GABARAPL1: variants seen among roughly 807,000 people sequenced by gnomAD.
GABARAPL1 encodes GABA type A receptor associated protein like 1.
GABARAPL1 carries 4 observed loss-of-function variants against 14.5 expected under a neutral mutation model. The ratio of observed to expected loss-of-function variants is 0.28; its 90% CI spans 0.14 to 0.63. The LOEUF is 0.63. Ranked by LOEUF, GABARAPL1 falls within the 30% of genes least tolerant of loss-of-function variation. The pLI is 0.84. For synonymous variants in GABARAPL1, 47 were observed against 50.6 expected (o/e 0.93, Z 0.30); for missense variants, 82 against 139.2 (o/e 0.59, Z 2.07).
chr12:10,212,900 G>C lies in GABARAPL1; in HGVS notation c.-230G>C, dbSNP rs991726847. On this transcript the variant is annotated 5_prime_UTR_variant, in exon 1 of 4. Transcript: ENST00000266458. ...CTGTTTTTGTGCTCCCAGCTCTAGC[G>C]AAAAGCCGCCGGTATTTCTCCATCT... is the stretch of plus-strand genomic sequence containing the variant. The C allele has an allele frequency of 4.1e-5, 19 of 468,744 alleles. No homozygotes were observed. The highest frequency in any genetic ancestry group is 3.8e-4 in the Admixed American group (10 of 26,216). The allele number at this position is 468,744 out of a possible 1,614,324, so 29.0% of individuals were successfully genotyped here.
chr12:10,217,486 C>T (rs1196331704), intron 1 of GABARAPL1, among the ~76,000 whole-genome samples: 1 of 152,210 alleles, frequency 6.6e-6, no homozygotes, highest in East Asian at 1.9e-4. Flanking sequence ...AATCCCAGCA[C>T]TTTGGGAGGC....
intron 2 of GABARAPL1, among the ~76,000 whole-genome samples, chr12:10,220,096 G>T (rs1370767354): frequency 6.6e-6 from 1 of 152,168 alleles, no homozygotes; most frequent in Admixed American, 6.5e-5. Flanking sequence ...TTCAAGTCAG[G>T]TTTAGACAGT....
chr12:10,216,169 G>A (rs962356578), intron 1 of GABARAPL1, among the ~76,000 whole-genome samples: 1 of 151,958 alleles, frequency 6.6e-6, no homozygotes, highest in Admixed American at 6.6e-5. Context: ...TCAGGAGTTC[G>A]AAACCAGCCT....
intron 3 of GABARAPL1, chr12:10,221,257 T>C: frequency 1.0e-6 from 1 of 976,226 alleles, no homozygotes; most frequent in South Asian, 4.7e-5. Flanking sequence ...AGGAATAATT[T>C]TTATGTGATG....
chr12:10,222,077 G>A lies in GABARAPL1; in HGVS notation c.*225G>A. 1.8e-6 allele frequency: 1 copy of A among 548,262 alleles called. No homozygotes were observed. The highest frequency in any genetic ancestry group is 3.3e-6 in the Non-Finnish European group (1 of 303,620). The allele number at this position is 548,262 out of a possible 1,614,324, so 34.0% of individuals were successfully genotyped here. A position where few individuals can be genotyped will look rare whatever the true frequency, so the allele number is the denominator to read the frequency against. ...GAAAGCATGTCAGGACAGAGCTGTT[G>A]GATTGGCTTTGATAGAGGAATGGGG... is the stretch of plus-strand genomic sequence containing the variant. On this transcript the variant is annotated 3_prime_UTR_variant, in exon 4 of 4. Coordinates refer to ENST00000266458, the MANE Select transcript of GABARAPL1 (RefSeq NM_031412.4).
chr12:10,213,012 A>G lies in GABARAPL1; in HGVS notation c.-118A>G. On this transcript the variant is annotated 5_prime_UTR_variant, in exon 1 of 4. Coordinates refer to ENST00000266458, the MANE Select transcript of GABARAPL1 (RefSeq NM_031412.4). ...CTCGGCCCAGCGCTGTTGCCCCCGGAGCGGACGTTTCTGCAGCTATTCTGA... is the reference window on the plus strand; with the variant it reads ...CTCGGCCCAGCGCTGTTGCCCCCGGGGCGGACGTTTCTGCAGCTATTCTGA... 3.8e-6 allele frequency: 2 copies of G among 529,986 alleles called. No homozygotes were observed. The highest frequency in any genetic ancestry group is 3.4e-5 in the East Asian group (1 of 29,192). 32.8% of individuals were successfully genotyped at this position (529,986 alleles called of 1,614,324 possible).
At chr12:10,215,889 GTTT>G (rs1320599196) in intron 1 of GABARAPL1, among the ~76,000 whole-genome samples, 2 of 57,736 alleles carry the variant, frequency 3.5e-5, no homozygotes, top group Non-Finnish European at 1.0e-4. Context: ...TTTTGTTTTT[GTTT>G]TTGTTGTTTT....
In GABARAPL1 at chr12:10,221,923, G is replaced by A; in HGVS notation, c.*71G>A. On this transcript the variant is annotated 3_prime_UTR_variant, in exon 4 of 4. Coordinates refer to ENST00000266458, the MANE Select transcript of GABARAPL1 (RefSeq NM_031412.4). ...GGGAGGGGTGTGTGTGCGCGACATG[G>A]GGAAAGAGGGTGGCTCCCACCGCAA... The A allele has an allele frequency of 1.4e-6, 2 of 1,408,910 alleles. No homozygotes were observed. Among genetic ancestry groups the A allele is most frequent in the East Asian group, 2.3e-5 (1 of 43,876 alleles). The allele number at this position is 1,408,910 out of a possible 1,614,324, so 87.3% of individuals were successfully genotyped here. A position where few individuals can be genotyped will look rare whatever the true frequency, so the allele number is the denominator to read the frequency against.
chr12:10,213,043 C>A lies in GABARAPL1; in HGVS notation c.-87C>A, dbSNP rs1019868982. On this transcript the variant is annotated 5_prime_UTR_variant, in exon 1 of 4. Coordinates refer to ENST00000266458, the MANE Select transcript of GABARAPL1 (RefSeq NM_031412.4). Reference sequence around the variant, plus strand: ...CGTTTCTGCAGCTATTCTGAGCACACCTTGACGTCGGCTGAGGGAGCGGGA... The same window carrying A: ...CGTTTCTGCAGCTATTCTGAGCACAACTTGACGTCGGCTGAGGGAGCGGGA... 3 of 810,408 alleles carry A rather than the reference C, an allele frequency of 3.7e-6. No homozygotes were observed. The highest frequency in any genetic ancestry group is 6.3e-6 in the Non-Finnish European group (3 of 475,918). 50.2% of individuals were successfully genotyped at this position (810,408 alleles called of 1,614,324 possible). A position where few individuals can be genotyped will look rare whatever the true frequency, so the allele number is the denominator to read the frequency against.
Position 10,222,271 on chromosome 12 carries a change from G to C in GABARAPL1, c.*419G>C, listed in dbSNP as rs1227029550. On this transcript the variant is annotated 3_prime_UTR_variant, in exon 4 of 4. Transcript: ENST00000266458. ...TTTTGACATTTGCACAAGACAGGTAGGGAAAGGGGACTTGTGGTAGTGGAC... is the reference window on the plus strand; with the variant it reads ...TTTTGACATTTGCACAAGACAGGTACGGAAAGGGGACTTGTGGTAGTGGAC... The C allele has an allele frequency of 3.5e-5, 7 of 198,070 alleles. No individual in the cohort carries two copies. Among genetic ancestry groups the C allele is most frequent in the Non-Finnish European group, 6.4e-5 (6 of 94,150 alleles). The allele number at this position is 198,070 out of a possible 1,614,324, so 12.3% of individuals were successfully genotyped here. A position where few individuals can be genotyped will look rare whatever the true frequency, so the allele number is the denominator to read the frequency against.
intron 3 of GABARAPL1, chr12:10,221,204 C>A: frequency 1.0e-6 from 1 of 975,418 alleles, no homozygotes; most frequent in Non-Finnish European, 1.2e-6. Flanking sequence ...AAAATTAAGG[C>A]AAAGTCTGTA....
At position 10,212,913 on chromosome 12, in the gene GABARAPL1, T is replaced by G; in HGVS notation, c.-217T>G. On this transcript the variant is annotated 5_prime_UTR_variant, in exon 1 of 4. Coordinates refer to ENST00000266458, the MANE Select transcript of GABARAPL1 (RefSeq NM_031412.4). ...CCCAGCTCTAGCGAAAAGCCGCCGGTATTTCTCCATCTGGCTCTCCTCTAC... is the reference window on the plus strand; with the variant it reads ...CCCAGCTCTAGCGAAAAGCCGCCGGGATTTCTCCATCTGGCTCTCCTCTAC... 4.1e-6 allele frequency: 2 copies of G among 490,554 alleles called. No individual in the cohort carries two copies. The highest frequency in any genetic ancestry group is 7.4e-6 in the Non-Finnish European group (2 of 271,606). 30.4% of individuals were successfully genotyped at this position (490,554 alleles called of 1,614,324 possible).
chr12:10,212,992 C>T lies in GABARAPL1; in HGVS notation c.-138C>T. ...CCCCGAACCCCCCCTGCACACTCGG[C>T]CCAGCGCTGTTGCCCCCGGAGCGGA... On this transcript the variant is annotated 5_prime_UTR_variant, in exon 1 of 4. Transcript: ENST00000266458. 1 of 616,058 alleles carries T rather than the reference C, an allele frequency of 1.6e-6. No homozygotes were observed. The highest frequency in any genetic ancestry group is 3.0e-6 in the Non-Finnish European group (1 of 333,058). 38.2% of individuals were successfully genotyped at this position (616,058 alleles called of 1,614,324 possible).
Position 10,222,216 on chromosome 12 carries a change from T to G in GABARAPL1, c.*364T>G, listed in dbSNP as rs947240819. ...ATGGCAGTCCAGCAGCAACTCCCTG[T>G]GCTCCCTTCTCTTTGGGCAGAGATT... On this transcript the variant is annotated 3_prime_UTR_variant, in exon 4 of 4. Coordinates refer to ENST00000266458, the MANE Select transcript of GABARAPL1 (RefSeq NM_031412.4). 3 of 239,640 alleles carry G rather than the reference T, an allele frequency of 1.3e-5. No homozygotes were observed. The highest frequency in any genetic ancestry group is 6.6e-5 in the African/African-American group (3 of 45,442). The allele number at this position is 239,640 out of a possible 1,614,324, so 14.8% of individuals were successfully genotyped here. A position where few individuals can be genotyped will look rare whatever the true frequency, so the allele number is the denominator to read the frequency against.
chr12:10,217,894 A>AT (rs144180732), intron 1 of GABARAPL1, among the ~76,000 whole-genome samples, 169 bp from the exon 2 acceptor site: 9 of 151,860 alleles, frequency 5.9e-5, no homozygotes, highest in Non-Finnish European at 1.2e-4. Flanking sequence ...CATGAAGCCT[A>AT]TTTTTTTTGT....
chr12:10,213,236 G>T lies in GABARAPL1; in HGVS notation c.90+17G>T. On this transcript the variant is annotated intron_variant, in intron 1 of 3. Transcript: ENST00000266458. ...AGGGTCCCCGTGAGTGTAGAGGAGC[G>T]GAGGGGATGGGAGGGGAAGGGCCCG... The T allele has an allele frequency of 6.8e-7, 1 of 1,464,812 alleles. No homozygotes were observed. Among genetic ancestry groups the T allele is most frequent in the Middle Eastern group, 1.8e-4 (1 of 5,708 alleles). The allele number at this position is 1,464,812 out of a possible 1,614,324, so 90.7% of individuals were successfully genotyped here.
At chr12:10,217,974 G>A (rs1199114054) in intron 1 of GABARAPL1, 89 bp from the exon 2 acceptor site, 3 of 777,896 alleles carry the variant, frequency 3.9e-6, no homozygotes, top group Non-Finnish European at 6.9e-6. Context: ...TTCATTTCCA[G>A]TAGTAACTAG....
intron 1 of GABARAPL1, chr12:10,214,035 C>G: frequency 3.0e-6 from 1 of 338,542 alleles, no homozygotes; most frequent in Non-Finnish European, 6.1e-6. Flanking sequence ...CCCCATTACC[C>G]CCTCCCCCGC....
At chr12:10,218,028 T>A in intron 1 of GABARAPL1, 35 bp from the exon 2 acceptor site, 1 of 1,266,114 alleles carries the variant, frequency 7.9e-7, no homozygotes, top group South Asian at 1.2e-5. Flanking sequence ...TTGCCTTCTG[T>A]AGTTTTCATT....
Sources: gnomAD v4.1 joint callset for allele counts (sites outside exome capture counted in the v4.1 genomes callset) on GRCh38, gnomAD v4.1.1 for gene constraint, MANE v1.5 for transcripts, NCBI Gene and HGNC (gene_info 2026-07-23, HGNC 2026-07-21) for gene names.